Variants in GLI3 observed in about 807,000 individuals in gnomAD.
GLI3 encodes GLI family zinc finger 3.
Under a neutral mutation model 100.8 loss-of-function variants are expected in GLI3, and 20 were observed. The observed-to-expected ratio is 0.20, with a 90% CI of 0.14 to 0.29. The LOEUF (loss-of-function observed/expected upper bound fraction) is 0.29. GLI3 is among the 10% of genes least tolerant of loss of function. The pLI, the probability that GLI3 is intolerant of heterozygous loss-of-function variation, is 1.00. For missense variants in GLI3, 2,040 were observed against 2,128.5 expected (o/e 0.96, Z 0.82); for synonymous variants, 938 against 860.5 (o/e 1.09, Z -1.58).
intron 1 of GLI3, among the ~76,000 whole-genome samples, chr7:42,260,335 A>C (rs1363428668): frequency 6.6e-6 from 1 of 152,226 alleles, no homozygotes; most frequent in Non-Finnish European, 1.5e-5. Context: ...TTTAAATAGA[A>C]GCAATGTAAG....
Position 41,962,788 on chromosome 7 carries a change from T to C in GLI3, c.*1542A>G, listed in dbSNP as rs539301458. 6.6e-6 allele frequency: 1 copy of C among 152,350 alleles called. No homozygotes were observed. Among genetic ancestry groups the C allele is most frequent in the Non-Finnish European group, 1.5e-5 (1 of 68,038 alleles). The allele number at this position is 152,350 out of a possible 1,614,324, so 9.4% of individuals were successfully genotyped here. Reference sequence around the variant, plus strand: ...GATTAAAGGGGAAAAGCCACATAATTGAATTATCAATCACTTGCAGTAAAT... The same window carrying C: ...GATTAAAGGGGAAAAGCCACATAATCGAATTATCAATCACTTGCAGTAAAT... On this transcript the variant is annotated 3_prime_UTR_variant, in exon 15 of 15. Coordinates refer to ENST00000395925, the MANE Select transcript of GLI3 (RefSeq NM_000168.6).
At chr7:42,052,092 T>C (rs1436067351) in intron 4 of GLI3, among the ~76,000 whole-genome samples, 1 of 152,240 alleles carries the variant, frequency 6.6e-6, no homozygotes, top group Non-Finnish European at 1.5e-5. Context: ...ACTTTCCAGA[T>C]TGGCCTCTTT....
At chr7:42,156,537 CAT>C (rs1787007957) in intron 2 of GLI3, among the ~76,000 whole-genome samples, 2 of 152,320 alleles carry the variant, frequency 1.3e-5, no homozygotes, top group Admixed American at 1.3e-4. Context: ...TTACTTTGCA[CAT>C]ACAGACCTGA....
At chr7:42,033,339 T>A (rs1478560706) in intron 7 of GLI3, among the ~76,000 whole-genome samples, 1 of 152,208 alleles carries the variant, frequency 6.6e-6, no homozygotes, top group East Asian at 1.9e-4. Flanking sequence ...AGGTTTGAAT[T>A]TTTTCAACAT....
chr7:41,973,183 G>T (rs1289784031), intron 12 of GLI3, among the ~76,000 whole-genome samples: 1 of 152,206 alleles, frequency 6.6e-6, no homozygotes, highest in African/African-American at 2.4e-5. Context: ...CATGTTAGAT[G>T]ACACTAAAAT....
chr7:42,108,081 A>ACT (rs3057241), intron 3 of GLI3, among the ~76,000 whole-genome samples: 43,190 of 151,996 alleles, frequency 0.28, 7,860 homozygotes, highest in East Asian at 0.61. Flanking sequence ...CCTGGGCTAG[A>ACT]AGGAGAATGC....
At position 42,237,011 on chromosome 7, in the gene GLI3, G is replaced by C. The variant is rs886062343; in HGVS notation, c.-83C>G. ...CTGTCAAGTCCCCGAACTTCCCATA[G>C]ACCCGCGGACGGGGCGCAGGCTGGC... On this transcript the variant is annotated 5_prime_UTR_variant, in exon 1 of 15. Coordinates refer to ENST00000395925, the MANE Select transcript of GLI3 (RefSeq NM_000168.6). The C allele has an allele frequency of 6.6e-6, 1 of 151,116 alleles. No individual in the cohort carries two copies. Among genetic ancestry groups the C allele is most frequent in the Non-Finnish European group, 1.5e-5 (1 of 67,762 alleles). The allele number at this position is 151,116 out of a possible 1,614,324, so 9.4% of individuals were successfully genotyped here.
intron 5 of GLI3, among the ~76,000 whole-genome samples, chr7:42,045,961 G>C (rs1005654747): frequency 6.6e-6 from 1 of 152,158 alleles, no homozygotes; most frequent in African/African-American, 2.4e-5. Context: ...TCTGACAAGA[G>C]TGTCTGAGTT....
At chr7:42,205,181 C>T (rs909792874) in intron 2 of GLI3, among the ~76,000 whole-genome samples, 1 of 152,028 alleles carries the variant, frequency 6.6e-6, no homozygotes, top group Non-Finnish European at 1.5e-5. Context: ...TATAAGAATC[C>T]ACCTCATACA....
intron 10 of GLI3, among the ~76,000 whole-genome samples, chr7:41,993,059 C>G (rs1417847534): frequency 6.6e-6 from 1 of 152,106 alleles, no homozygotes. Flanking sequence ...TCAAGGAGGC[C>G]TGCTGGAAAA....
Position 41,963,459 on chromosome 7 carries a change from C to T in GLI3, c.*871G>A, listed in dbSNP as rs1279229912. 6.6e-6 allele frequency: 1 copy of T among 152,172 alleles called. No homozygotes were observed. The highest frequency in any genetic ancestry group is 2.4e-5 in the African/African-American group (1 of 41,430). The allele number at this position is 152,172 out of a possible 1,614,324, so 9.4% of individuals were successfully genotyped here. On this transcript the variant is annotated 3_prime_UTR_variant, in exon 15 of 15. Coordinates refer to ENST00000395925, the MANE Select transcript of GLI3 (RefSeq NM_000168.6). ...ATCTACCATCTATCTAACTTCTTAC[C>T]AGAACAGATAAAAGTAGCAATGTGG...
intron 2 of GLI3, among the ~76,000 whole-genome samples, chr7:42,219,981 G>A (rs1788453240): frequency 6.6e-6 from 1 of 151,590 alleles, no homozygotes; most frequent in South Asian, 2.1e-4. Context: ...AGCCTCCCGA[G>A]TGGCTGGGAC....
chr7:41,989,752 G>T (rs1045329722), intron 10 of GLI3, among the ~76,000 whole-genome samples: 2 of 151,908 alleles, frequency 1.3e-5, no homozygotes, highest in African/African-American at 2.4e-5. Context: ...CTTATTTTGG[G>T]CTGGGTGCAG....
intron 2 of GLI3, among the ~76,000 whole-genome samples, chr7:42,216,726 C>G (rs1190402208): frequency 1.3e-5 from 2 of 152,108 alleles, no homozygotes; most frequent in South Asian, 2.1e-4. Flanking sequence ...CCAAAGGACA[C>G]AAGACCTTAT....
In GLI3 at chr7:41,972,503, A is replaced by G. The variant is rs1273389250; in HGVS notation, c.1937T>C (p.Ile646Thr). The change falls in exon 13 of 15, where the codon ATC (isoleucine) becomes ACC (threonine). Residue 646 changes from isoleucine (I) to threonine (T), a missense_variant. Ile to Thr is a moderately conservative substitution (Grantham distance 89). Coordinates refer to ENST00000395925, the MANE Select transcript of GLI3 (RefSeq NM_000168.6). This position sits in a 1 kb window ranked among gnomAD's most constrained non-coding sequence, Gnocchi z 4.4. Reference sequence around the variant, plus strand: ...TCTCGGGGGTGGCGGCCGAGGATGGATGTCCCCTCGCTGCTTCTTGGTGAC... The same window carrying G: ...TCTCGGGGGTGGCGGCCGAGGATGGGTGTCCCCTCGCTGCTTCTTGGTGAC... ...AHVTKKQRGD[I>T]HPRPPPPRDS... 1 of 1,612,904 alleles carries G rather than the reference A, an allele frequency of 6.2e-7. No individual in the cohort carries two copies. The highest frequency in any genetic ancestry group is 1.7e-5 in the Admixed American group (1 of 59,948).
At chr7:42,118,669 T>TCATCTTGA (rs1562740184) in intron 3 of GLI3, among the ~76,000 whole-genome samples, 2 of 152,102 alleles carry the variant, frequency 1.3e-5, no homozygotes, top group Admixed American at 6.5e-5. Flanking sequence ...AATGACGTGA[T>TCATCTTGA]CATCTTGACA....
chr7:42,046,840 C>A (rs1583507176), intron 5 of GLI3, among the ~76,000 whole-genome samples: 1 of 152,152 alleles, frequency 6.6e-6, no homozygotes, highest in South Asian at 2.1e-4. Context: ...AAATCTAATT[C>A]ATATTTGATT....
chr7:42,028,994 C>A (rs78275342), intron 7 of GLI3, among the ~76,000 whole-genome samples: 1 of 152,042 alleles, frequency 6.6e-6, no homozygotes, highest in Non-Finnish European at 1.5e-5. Flanking sequence ...AACCAGGTGA[C>A]GGGAATAAAT....
At chr7:42,007,811 C>G (rs1459216813) in intron 10 of GLI3, among the ~76,000 whole-genome samples, 1 of 152,118 alleles carries the variant, frequency 6.6e-6, no homozygotes, top group Non-Finnish European at 1.5e-5. Context: ...CATTCTTACC[C>G]CATGTCAGTT....
Sources: gnomAD v4.1 joint callset for allele counts (sites outside exome capture counted in the v4.1 genomes callset) on GRCh38, gnomAD v4.1.1 for gene constraint, Gnocchi (gnomAD v3.1) non-coding constraint, MANE v1.5 for transcripts, NCBI Gene and HGNC (gene_info 2026-07-23, HGNC 2026-07-21) for gene names.